EPS15L1: variants seen among roughly 807,000 people sequenced by gnomAD.
The protein encoded by EPS15L1 is epidermal growth factor receptor pathway substrate 15 like 1.
Under a neutral mutation model 117.1 loss-of-function variants are expected in EPS15L1, and 43 were observed. The observed-to-expected ratio is 0.37, with a 90% confidence interval of 0.29 to 0.47. EPS15L1 has a LOEUF of 0.47. EPS15L1 is among the 20% of genes least tolerant of loss of function. The pLI, the probability that EPS15L1 is intolerant of heterozygous loss-of-function variation, is 0.99. For missense variants in EPS15L1, 981 were observed against 1,164.0 expected (o/e 0.84, Z 2.29); for synonymous variants, 459 against 470.5 (o/e 0.98, Z 0.32).
Position 16,355,770 on chromosome 19 carries a change from G to A in EPS15L1, c.2668C>T (p.Arg890Trp), listed in dbSNP as rs2091971871. ...AGTTCCAGGTCCTCCTGCTCCTGCC[G>A]CCGCAGCCGCGCCAGCCTCTCCTGT... ...AEQERLARLR[R>W]QEQEDLELAI... The change falls in exon 24 of 24, where the codon CGG (arginine) becomes TGG (tryptophan). Residue 890 changes from arginine (R) to tryptophan (W), a missense_variant. Arg to Trp is a moderately radical substitution (Grantham distance 101). Coordinates refer to ENST00000455140, the MANE Select transcript of EPS15L1 (RefSeq NM_001258374.3). 1.3e-6 allele frequency: 2 copies of A among 1,536,066 alleles called. No individual in the cohort carries two copies. The highest frequency in any genetic ancestry group is 1.7e-4 in the Middle Eastern group (1 of 5,990).
chr19:16,355,800 C>T lies in EPS15L1; in HGVS notation c.2638G>A (p.Ala880Thr), dbSNP rs1361716947. The T allele has an allele frequency of 6.5e-7, 1 of 1,536,130 alleles. No individual in the cohort carries two copies. Among genetic ancestry groups the T allele is most frequent in the Non-Finnish European group, 8.7e-7 (1 of 1,146,856 alleles). The stretch of plus-strand genomic sequence containing the variant: ...AGCCGCGCCAGCCTCTCCTGTTCCG[C>T]CTTCTCGCTCTCCCGCTTGGCCCAC... ...LAWAKRESEK[A>T]EQERLARLRR... is the part of the protein sequence containing the mutation. Residue 880 changes from alanine (A) to threonine (T), a missense_variant, in exon 24 of 24, where the codon GCG becomes ACG. Around this residue, in one of 5 missense-constraint regions of EPS15L1, gnomAD observed 819 missense variants for 949.0 expected, o/e 0.86. Coordinates refer to ENST00000455140, the MANE Select transcript of EPS15L1 (RefSeq NM_001258374.3).
intron 1 of EPS15L1, among the ~76,000 whole-genome samples, chr19:16,445,824 C>T (rs2093077853): frequency 6.6e-6 from 1 of 152,192 alleles, no homozygotes; most frequent in Admixed American, 6.5e-5. Flanking sequence ...CCGTAAGAGG[C>T]TGCAGGTGGC....
At chr19:16,419,318 G>C (rs1342030202) in intron 10 of EPS15L1, among the ~76,000 whole-genome samples, 2 of 152,176 alleles carry the variant, frequency 1.3e-5, no homozygotes, top group African/African-American at 2.4e-5. Flanking sequence ...AATTAGCCGG[G>C]CATGGTGGCG....
intron 3 of EPS15L1, chr19:16,441,332 C>T (rs1245668819): frequency 9.6e-6 from 2 of 207,524 alleles, no homozygotes; most frequent in Admixed American, 5.3e-5. Flanking sequence ...ATTAGCCGGG[C>T]GTGGTGGCAG....
chr19:16,369,676 AGTGTGTGTGTGTGTGT>A (rs10543332), intron 22 of EPS15L1, among the ~76,000 whole-genome samples: 2 of 146,040 alleles, frequency 1.4e-5, no homozygotes, highest in African/African-American at 2.6e-5. Flanking sequence ...AAGAAAAAAA[AGTGTGTGTGTGTGTGT>A]GTGTGTGTGT....
intron 16 of EPS15L1, chr19:16,401,472 G>A (rs1344851956): frequency 2.0e-6 from 2 of 985,798 alleles, no homozygotes; most frequent in Non-Finnish European, 2.4e-6. Context: ...AGAGAGGGTG[G>A]CAGCACGGAG....
In EPS15L1 at chr19:16,464,847, G is replaced by A. The variant is rs970583245; in HGVS notation, c.33+7066C>T. On this transcript the variant is annotated intron_variant, in intron 1 of 23. Coordinates refer to ENST00000455140, the MANE Select transcript of EPS15L1 (RefSeq NM_001258374.3). ...GCCTGTAATCCCAGCACTTTGGGAG[G>A]CCAAGGCGGGCAGATCACAAGGTCA... 3.9e-5 allele frequency among the ~76,000 whole-genome samples: 6 copies of A among 152,142 alleles called. No homozygotes were observed. In the South Asian group the frequency reaches 8.3e-4, roughly 21 times the overall value.
At chr19:16,432,623 T>A (rs532613336) in intron 7 of EPS15L1, among the ~76,000 whole-genome samples, 1 of 150,518 alleles carries the variant, frequency 6.6e-6, no homozygotes, top group South Asian at 2.1e-4. Context: ...AATACAAAAA[T>A]TAGCCGGCTG....
At chr19:16,436,659 A>T in intron 6 of EPS15L1, 1 of 368,862 alleles carries the variant, frequency 2.7e-6, no homozygotes, top group African/African-American at 2.1e-5. Flanking sequence ...TTTAAACTGC[A>T]GCCCTTTAAT....
intron 1 of EPS15L1, among the ~76,000 whole-genome samples, chr19:16,449,009 C>T (rs548743548): frequency 5.9e-5 from 9 of 152,090 alleles, no homozygotes; most frequent in South Asian, 2.1e-4. Context: ...CATGGTGGTG[C>T]GTACCTGTAG....
chr19:16,360,269 T>C (rs942205826), intron 23 of EPS15L1, among the ~76,000 whole-genome samples: 2 of 152,088 alleles, frequency 1.3e-5, no homozygotes, highest in Middle Eastern at 3.2e-3. Flanking sequence ...TTAATATTTT[T>C]CCACCAGAAA....
chr19:16,387,854 A>G (rs1199193717), intron 19 of EPS15L1, among the ~76,000 whole-genome samples: 1 of 152,232 alleles, frequency 6.6e-6, no homozygotes, highest in African/African-American at 2.4e-5. Context: ...ACAGAGCAGT[A>G]GAAATTACTC....
chr19:16,415,476 T>C (rs1235496872), intron 12 of EPS15L1, among the ~76,000 whole-genome samples: 1 of 152,172 alleles, frequency 6.6e-6, no homozygotes, highest in Non-Finnish European at 1.5e-5. Context: ...CTCAGGGACA[T>C]GTCGCCAGAC....
intron 19 of EPS15L1, 106 bp from the exon 20 acceptor site, chr19:16,386,337 C>A: frequency 1.2e-6 from 1 of 860,068 alleles, no homozygotes; most frequent in Admixed American, 2.1e-5. Context: ...CAGTGCTGAG[C>A]CAGAGGGAAA....
intron 22 of EPS15L1, among the ~76,000 whole-genome samples, chr19:16,363,502 C>G (rs999977974): frequency 6.6e-6 from 1 of 152,206 alleles, no homozygotes; most frequent in Admixed American, 6.5e-5. Flanking sequence ...TCCCTCTGTT[C>G]CCCCAGCAGA....
intron 7 of EPS15L1, among the ~76,000 whole-genome samples, chr19:16,433,962 C>CATAAATAA (rs56900530): frequency 0.022 from 3,320 of 148,944 alleles, 51 homozygotes; most frequent in African/African-American, 0.036. Context: ...GACTCCATCT[C>CATAAATAA]ATAAATAAAT....
chr19:16,368,915 C>T (rs945077810), intron 22 of EPS15L1, among the ~76,000 whole-genome samples: 7 of 152,310 alleles, frequency 4.6e-5, no homozygotes, highest in South Asian at 2.1e-4. Context: ...AGCAGTGGCC[C>T]GGGCGGGGCA....
chr19:16,440,777 AG>A, intron 4 of EPS15L1, 84 bp downstream of exon 4: 1 of 1,178,740 alleles, frequency 8.5e-7, no homozygotes, highest in Non-Finnish European at 1.3e-6. Context: ...TTGACAGTGG[AG>A]GAATGTGGAA....
At chr19:16,357,367 A>AT (rs2091995137) in intron 23 of EPS15L1, 1 of 152,318 alleles carries the variant, frequency 6.6e-6, no homozygotes, top group African/African-American at 2.4e-5. Context: ...TCAGTGCCCG[A>AT]CCTTGGGGTA....
Sources: gnomAD v4.1 joint callset for allele counts (sites outside exome capture counted in the v4.1 genomes callset) on GRCh38, gnomAD v4.1.1 for gene constraint, gnomAD v4.1.1 regional missense constraint, MANE v1.5 for transcripts, NCBI Gene and HGNC (gene_info 2026-07-23, HGNC 2026-07-21) for gene names.